ZC3HAV1L: variants seen among roughly 807,000 people sequenced by gnomAD.
ZC3HAV1L encodes the protein ZC3HAV1 like, also known as zinc finger CCCH-type antiviral protein 1-like.
ZC3HAV1L carries 23 observed loss-of-function variants against 28.2 expected under a neutral mutation model. That is an observed-to-expected ratio of 0.82 (90% CI 0.59 to 1.16). The LOEUF is 1.16. Ranked by LOEUF, ZC3HAV1L falls within the 50% of genes most tolerant of loss-of-function variation. ZC3HAV1L has a pLI of 0.00. For synonymous variants in ZC3HAV1L, 180 were observed against 163.4 expected, an observed-to-expected ratio of 1.10 and a Z score of -0.78; for missense variants, 376 against 387.7, an observed-to-expected ratio of 0.97 and a Z score of 0.25.
At position 139,035,700 on chromosome 7, in the gene ZC3HAV1L, G is replaced by A. The variant is rs760708929; in HGVS notation, c.318C>T (p.His106=). Residue 106 remains histidine, a synonymous_variant, in exon 1 of 5, where the codon CAC becomes CAT. Transcript: ENST00000275766. ...TGCCCAGCATGTGCCGGCGGCAGAA[G>A]TGCAGCTGGTCGCAGGCCTGGCACT... ...RGECQACDQL[H]FCRRHMLGKC... 8 of 1,483,458 alleles carry A rather than the reference G, an allele frequency of 5.4e-6. No individual in the cohort carries two copies. The highest frequency in any genetic ancestry group is 2.2e-4 in the Middle Eastern group (1 of 4,520). 91.9% of individuals were successfully genotyped at this position (1,483,458 alleles called of 1,614,324 possible). A position where few individuals can be genotyped will look rare whatever the true frequency, so the allele number is the denominator to read the frequency against.
At chr7:139,033,540 CCTA>C (rs1254588767) in intron 2 of ZC3HAV1L, among the ~76,000 whole-genome samples, 1 of 152,150 alleles carries the variant, frequency 6.6e-6, no homozygotes, top group Non-Finnish European at 1.5e-5. Context: ...CCACATGTCA[CCTA>C]CTTCCAGTCC....
chr7:139,026,849 G>T lies in ZC3HAV1L; in HGVS notation c.761-16C>A. ...GATGAATTATCTACAAAGAGGAAAG[G>T]GATAAGTTTTCCTACGATACCCCAA... On this transcript the variant is annotated splice_polypyrimidine_tract_variant and intron_variant, in intron 3 of 4. Transcript: ENST00000275766. The T allele has an allele frequency of 8.1e-6, 13 of 1,598,662 alleles. No individual in the cohort carries two copies. Among genetic ancestry groups the T allele is most frequent in the Non-Finnish European group, 1.1e-5 (13 of 1,170,650 alleles).
downstream of ZC3HAV1L, among the ~76,000 whole-genome samples, chr7:139,023,354 T>C (rs1263487627): frequency 6.6e-6 from 1 of 152,170 alleles, no homozygotes; most frequent in African/African-American, 2.4e-5. Context: ...TCTGAATTTC[T>C]GGCTTCTTTT....
At chr7:139,030,583 C>T (rs923608474) in intron 2 of ZC3HAV1L, among the ~76,000 whole-genome samples, 2 of 151,152 alleles carry the variant, frequency 1.3e-5, no homozygotes, top group Non-Finnish European at 2.9e-5. Context: ...AATCCTAGCA[C>T]TTTGGGAGGC....
At chr7:139,034,865 C>T in intron 1 of ZC3HAV1L, 187 bp from the exon 2 acceptor site, 1 of 985,430 alleles carries the variant, frequency 1.0e-6, no homozygotes, top group Non-Finnish European at 1.2e-6. Context: ...GAACTCCTCT[C>T]CCAGGGTCAT....
intron 2 of ZC3HAV1L, among the ~76,000 whole-genome samples, chr7:139,032,034 T>C (rs905716143): frequency 6.6e-6 from 1 of 151,876 alleles, no homozygotes; most frequent in African/African-American, 2.4e-5. Flanking sequence ...ATGACCAGCC[T>C]GGGCAACATG....
intron 1 of ZC3HAV1L, chr7:139,034,971 C>T: frequency 4.1e-6 from 4 of 985,458 alleles, no homozygotes; most frequent in Non-Finnish European, 4.8e-6. Flanking sequence ...GGCCTTCTCC[C>T]CGGCAACAGC....
At chr7:139,034,256 G>C (rs538788531) in intron 2 of ZC3HAV1L, 1 of 854,202 alleles carries the variant, frequency 1.2e-6, no homozygotes, top group South Asian at 5.4e-5. Context: ...TAGCATCACT[G>C]TGCTAGATTA....
At chr7:139,029,908 A>T (rs891352138) in intron 2 of ZC3HAV1L, among the ~76,000 whole-genome samples, 2 of 152,170 alleles carry the variant, frequency 1.3e-5, no homozygotes, top group African/African-American at 2.4e-5. Flanking sequence ...TCCCAGACAC[A>T]CCAAGACCAC....
At chr7:139,028,481 T>C (rs1024323628) in intron 3 of ZC3HAV1L, among the ~76,000 whole-genome samples, 4 of 152,034 alleles carry the variant, frequency 2.6e-5, no homozygotes, top group African/African-American at 9.7e-5. Flanking sequence ...GCAGTGACAG[T>C]GCTAAAGATA....
At chr7:139,027,953 C>T (rs547877787) in intron 3 of ZC3HAV1L, among the ~76,000 whole-genome samples, 7 of 152,220 alleles carry the variant, frequency 4.6e-5, no homozygotes, top group Non-Finnish European at 1.0e-4. Context: ...TCTGTAATGT[C>T]ATTAAAATTA....
In ZC3HAV1L at chr7:139,026,365, C is replaced by A; in HGVS notation, c.*179G>T. 1.1e-6 allele frequency: 1 copy of A among 902,900 alleles called. No individual in the cohort carries two copies. Among genetic ancestry groups the A allele is most frequent in the Non-Finnish European group, 1.6e-6 (1 of 620,900 alleles). 55.9% of individuals were successfully genotyped at this position (902,900 alleles called of 1,614,324 possible). Reference sequence around the variant, plus strand: ...GTCAGCAGAGCTCCATCTACCCAGCCTGAGGAAAGCACCTAGGAGCTGCAG... The same window carrying A: ...GTCAGCAGAGCTCCATCTACCCAGCATGAGGAAAGCACCTAGGAGCTGCAG... On this transcript the variant is annotated 3_prime_UTR_variant, in exon 5 of 5. Transcript: ENST00000275766.
chr7:139,035,994 G>A lies in ZC3HAV1L; in HGVS notation c.24C>T (p.Ser8=), dbSNP rs1815704581. 2 of 1,521,122 alleles carry A rather than the reference G, an allele frequency of 1.3e-6. No individual in the cohort carries two copies. The highest frequency in any genetic ancestry group is 2.4e-5 in the South Asian group (2 of 82,452). The allele number at this position is 1,521,122 out of a possible 1,614,324, so 94.2% of individuals were successfully genotyped here. ...GGGCGCACAGCACCTTGGTGAGGAA[G>A]GAGCACACTGTGGGCTCCGCCATGG... MAEPTVC[S]FLTKVLCAHG... Residue 8 remains serine, a synonymous_variant, in exon 1 of 5, where the codon TCC becomes TCT. Coordinates refer to ENST00000275766, the MANE Select transcript of ZC3HAV1L (RefSeq NM_080660.4).
chr7:139,034,275 T>A, intron 2 of ZC3HAV1L: 1 of 821,696 alleles, frequency 1.2e-6, no homozygotes, highest in Non-Finnish European at 1.5e-6. Flanking sequence ...TAGAAAATCT[T>A]GCTTTTAATT....
At chr7:139,022,949 T>C (rs1584814477), downstream of ZC3HAV1L, among the ~76,000 whole-genome samples, 1 of 151,708 alleles carries the variant, frequency 6.6e-6, no homozygotes. Flanking sequence ...GCGAGGTGGG[T>C]GGATCACTTG....
At position 139,028,862 on chromosome 7, in the gene ZC3HAV1L, T is replaced by G; in HGVS notation, c.600A>C (p.Gly200=). ...GTTTGCAGGTCTGAAGTTTGCATTCTCCTTTCACAAAGGATTTGCACACAT... is the reference window on the plus strand; with the variant it reads ...GTTTGCAGGTCTGAAGTTTGCATTCGCCTTTCACAAAGGATTTGCACACAT... ...KFHVCKSFVK[G]ECKLQTCKRS... is the part of the protein sequence containing the mutation. Residue 200 remains glycine, a synonymous_variant, in exon 3 of 5, where the codon GGA becomes GGC. Coordinates refer to ENST00000275766, the MANE Select transcript of ZC3HAV1L (RefSeq NM_080660.4). 6.2e-7 allele frequency: 1 copy of G among 1,614,232 alleles called. No individual in the cohort carries two copies. Among genetic ancestry groups the G allele is most frequent in the Non-Finnish European group, 8.5e-7 (1 of 1,180,024 alleles).
At chr7:139,029,988 T>G (rs1815476154) in intron 2 of ZC3HAV1L, among the ~76,000 whole-genome samples, 1 of 152,094 alleles carries the variant, frequency 6.6e-6, no homozygotes, top group African/African-American at 2.4e-5. Context: ...TCTTGGCCGC[T>G]CACACAAAGA....
Position 139,034,658 on chromosome 7 carries a change from T to C in ZC3HAV1L, c.386A>G (p.His129Arg), listed in dbSNP as rs750706637. Residue 129 changes from histidine (H) to arginine (R), a missense_variant, in exon 2 of 5, where the codon CAT becomes CGT. Coordinates refer to ENST00000275766, the MANE Select transcript of ZC3HAV1L (RefSeq NM_080660.4). ...RDCWSTCTLS[H>R]DIHTPVNMQV... ...CATGTTGACAGGTGTGTGGATATCA[T>C]GGGAAAGGGTACAGGTAGACCTAAA... 5 of 1,613,862 alleles carry C rather than the reference T, an allele frequency of 3.1e-6. No individual in the cohort carries two copies. In the South Asian group the frequency reaches 4.4e-5, roughly 14 times the overall value.
At chr7:139,022,951 G>A (rs1815274026), downstream of ZC3HAV1L, among the ~76,000 whole-genome samples, 1 of 152,094 alleles carries the variant, frequency 6.6e-6, no homozygotes, top group South Asian at 2.1e-4. Context: ...GAGGTGGGTG[G>A]ATCACTTGAG....
Sources: gnomAD v4.1 joint callset for allele counts (sites outside exome capture counted in the v4.1 genomes callset) on GRCh38, gnomAD v4.1.1 for gene constraint, MANE v1.5 for transcripts, NCBI Gene and HGNC (gene_info 2026-07-23, HGNC 2026-07-21) for gene names.